The following ZC3H3 variants were observed in gnomAD, a reference collection of about 807,000 sequenced individuals.
ZC3H3 encodes zinc finger CCCH-type containing 3, also known as zinc finger CCCH domain-containing protein 3.
A neutral mutation model predicts 77.3 loss-of-function variants in ZC3H3; 36 were observed. That is an observed-to-expected ratio of 0.47 (90% CI 0.36 to 0.61). The LOEUF (loss-of-function observed/expected upper bound fraction) is 0.61, where lower values mean the gene tolerates loss of function less well. Ranked by LOEUF, ZC3H3 falls within the 20% of genes least tolerant of loss-of-function variation. The pLI, the probability that ZC3H3 is intolerant of heterozygous loss-of-function variation, is 0.00. For missense variants in ZC3H3, 1,331 were observed against 1,312.2 expected (o/e 1.01, Z -0.22); for synonymous variants, 626 against 555.2 (o/e 1.13, Z -1.79).
At chr8:143,517,124 G>A (rs1425650270) in intron 3 of ZC3H3, among the ~76,000 whole-genome samples, 8 of 152,334 alleles carry the variant, frequency 5.3e-5, no homozygotes, top group African/African-American at 1.9e-4. Flanking sequence ...AGTCACTCAA[G>A]CAACACAAGC....
At chr8:143,490,591 C>T (rs577342150) in intron 4 of ZC3H3, among the ~76,000 whole-genome samples, 1 of 152,358 alleles carries the variant, frequency 6.6e-6, no homozygotes, top group East Asian at 1.9e-4. Context: ...TGAGATCTGG[C>T]TGGAGGATTG....
At chr8:143,506,309 C>T (rs1351120314) in intron 4 of ZC3H3, among the ~76,000 whole-genome samples, 1 of 152,216 alleles carries the variant, frequency 6.6e-6, no homozygotes, top group African/African-American at 2.4e-5. Flanking sequence ...GACCACAGGA[C>T]GGGAAGCAGG....
chr8:143,504,210 T>C (rs1563865255), intron 4 of ZC3H3, among the ~76,000 whole-genome samples: 1 of 152,086 alleles, frequency 6.6e-6, no homozygotes, highest in Non-Finnish European at 1.5e-5. Flanking sequence ...AACCGAAAGC[T>C]GAGAGGAACT....
At chr8:143,489,889 C>T (rs1821154595) in intron 4 of ZC3H3, among the ~76,000 whole-genome samples, 2 of 152,146 alleles carry the variant, frequency 1.3e-5, no homozygotes, top group South Asian at 4.1e-4. Context: ...CAGCGGGACC[C>T]TTGCTGACTT....
intron 3 of ZC3H3, among the ~76,000 whole-genome samples, chr8:143,528,798 G>A (rs897762067): frequency 6.6e-5 from 10 of 152,218 alleles, no homozygotes; most frequent in African/African-American, 2.2e-4. Context: ...TCCTGAGGGA[G>A]CGAGGCCCTC....
At chr8:143,467,385 T>C (rs1452118587) in intron 8 of ZC3H3, among the ~76,000 whole-genome samples, 1 of 152,232 alleles carries the variant, frequency 6.6e-6, no homozygotes, top group Non-Finnish European at 1.5e-5. Flanking sequence ...CAGCTTGGAA[T>C]GTGCTCTGGC....
intron 9 of ZC3H3, among the ~76,000 whole-genome samples, chr8:143,447,026 A>G (rs901757): frequency 1.3e-5 from 2 of 152,096 alleles, no homozygotes. Flanking sequence ...CGGAGCTGAC[A>G]TGAAGGGCAC....
intron 4 of ZC3H3, among the ~76,000 whole-genome samples, chr8:143,482,657 G>A (rs903064967): frequency 3.3e-5 from 5 of 152,186 alleles, no homozygotes; most frequent in African/African-American, 1.2e-4. Context: ...GAGAACAAAG[G>A]GAGCAGCGGG....
Position 143,478,808 on chromosome 8 carries a change from C to A in ZC3H3, c.1716-3223G>T, listed in dbSNP as rs150699968. ...TACAGGCATGAGCCACTGCGCCCAG[C>A]CGCCCCTGCTCATTCTCATGGATGA... On this transcript the variant is annotated intron_variant, in intron 4 of 11. Transcript: ENST00000262577. 1.0e-4 allele frequency among the ~76,000 whole-genome samples: 16 copies of A among 152,390 alleles called. No individual in the cohort carries two copies. In the East Asian group the frequency reaches 2.9e-3, roughly 28 times the overall value.
chr8:143,540,289 A>C (rs1822967563), intron 1 of ZC3H3, among the ~76,000 whole-genome samples: 3 of 152,176 alleles, frequency 2.0e-5, no homozygotes, highest in Admixed American at 2.0e-4. Context: ...GCTGGAGTGC[A>C]GTGGCCCAAT....
Position 143,493,672 on chromosome 8 carries a change from T to C in ZC3H3, c.1715+14074A>G, listed in dbSNP as rs1191412506. On this transcript the variant is annotated intron_variant, in intron 4 of 11. Coordinates refer to ENST00000262577, the MANE Select transcript of ZC3H3 (RefSeq NM_015117.3). This position sits in a 1 kb window ranked among gnomAD's most constrained non-coding sequence, Gnocchi z 4.8. Reference sequence around the variant, plus strand: ...AGTTGCATCCATGCTGTCAAGCCCCTGCTAGCAGCTTCTGTGGCACCTTCC... The same window carrying C: ...AGTTGCATCCATGCTGTCAAGCCCCCGCTAGCAGCTTCTGTGGCACCTTCC... 6.6e-6 allele frequency among the ~76,000 whole-genome samples: 1 copy of C among 152,232 alleles called. No individual in the cohort carries two copies. Among genetic ancestry groups the C allele is most frequent in the Non-Finnish European group, 1.5e-5 (1 of 68,038 alleles).
At chr8:143,524,126 C>T (rs1486654585) in intron 3 of ZC3H3, among the ~76,000 whole-genome samples, 2 of 152,348 alleles carry the variant, frequency 1.3e-5, no homozygotes, top group East Asian at 1.9e-4. Context: ...GGAGAGACAC[C>T]GGGCACAGTG....
intron 1 of ZC3H3, among the ~76,000 whole-genome samples, chr8:143,539,893 T>C (rs1316327947): frequency 1.3e-5 from 2 of 152,248 alleles, no homozygotes; most frequent in Non-Finnish European, 2.9e-5. Context: ...GCTAGAGTCC[T>C]ACTGCAGTGA....
intron 4 of ZC3H3, among the ~76,000 whole-genome samples, chr8:143,477,611 G>A (rs1056924824): frequency 2.0e-5 from 3 of 152,208 alleles, no homozygotes; most frequent in African/African-American, 7.2e-5. Flanking sequence ...GGCCAGGCAG[G>A]ACCTCCTGCA....
chr8:143,541,393 T>G lies in ZC3H3; in HGVS notation c.29A>C (p.Gln10Pro). 6.2e-7 allele frequency: 1 copy of G among 1,611,712 alleles called. No homozygotes were observed. The highest frequency in any genetic ancestry group is 8.5e-7 in the Non-Finnish European group (1 of 1,179,462). The change falls in exon 1 of 12, where the codon CAG becomes CCG. Residue 10 changes from glutamine (Q) to proline (P), a missense_variant. Physicochemically the swap from Gln to Pro is moderately conservative, Grantham distance 76 (BLOSUM62 -1). Around this residue, in one of 3 missense-constraint regions of ZC3H3, gnomAD observed 978 missense variants for 915.5 expected, o/e 1.07. Transcript: ENST00000262577. ...GGACCTACCCTGCAGTAGGCGGATC[T>G]GCCGCCGTAATATCTCCTTTTCCTC... MEEKEILRR[Q>P]IRLLQGLIDD...
chr8:143,482,969 G>A (rs764623060), intron 4 of ZC3H3, among the ~76,000 whole-genome samples: 36 of 152,214 alleles, frequency 2.4e-4, no homozygotes, highest in Admixed American at 4.6e-4. Flanking sequence ...TGTGTGGGCC[G>A]GGGACCCAGC....
chr8:143,457,768 G>A (rs189524638), intron 9 of ZC3H3, among the ~76,000 whole-genome samples: 23 of 152,276 alleles, frequency 1.5e-4, no homozygotes, highest in African/African-American at 5.1e-4. Flanking sequence ...TCAGGACGCT[G>A]AGGCAGGAGG....
At chr8:143,440,738 G>A (rs1819718415) in intron 10 of ZC3H3, among the ~76,000 whole-genome samples, 198 bp downstream of exon 10, 1 of 152,250 alleles carries the variant, frequency 6.6e-6, no homozygotes, top group African/African-American at 2.4e-5. Flanking sequence ...GGATGCCCTT[G>A]GCTCTGTCCA....
chr8:143,441,307 C>T (rs1186184359), intron 9 of ZC3H3, among the ~76,000 whole-genome samples, 187 bp from the exon 10 acceptor site: 3 of 152,206 alleles, frequency 2.0e-5, no homozygotes, highest in African/African-American at 7.2e-5. Flanking sequence ...TCCACCTGGG[C>T]CCTCACCCAC....
Sources: gnomAD v4.1 joint callset for allele counts (sites outside exome capture counted in the v4.1 genomes callset) on GRCh38, gnomAD v4.1.1 for gene constraint, gnomAD v4.1.1 regional missense constraint, Gnocchi (gnomAD v3.1) non-coding constraint, MANE v1.5 for transcripts, NCBI Gene and HGNC (gene_info 2026-07-23, HGNC 2026-07-21) for gene names.